Variants in SPDYE21 observed in about 807,000 individuals in gnomAD.
SPDYE21 encodes speedy protein E21.
In SPDYE21, 14 loss-of-function variants were observed where a neutral mutation model predicts 36.2. That is an observed-to-expected ratio of 0.39 (90% confidence interval 0.26 to 0.61). SPDYE21 has a LOEUF of 0.61. Ranked by LOEUF, SPDYE21 falls within the 20% of genes least tolerant of loss-of-function variation. SPDYE21 has a pLI of 0.55. For missense variants in SPDYE21, 233 were observed against 424.6 expected (o/e 0.55, Z 3.97); for synonymous variants, 58 against 155.1 (o/e 0.37, Z 4.65).
At chr7:67,286,949 A>G (rs576129731) in intron 8 of SPDYE21, among the ~76,000 whole-genome samples, 351 of 152,274 alleles carry the variant, frequency 2.3e-3, no homozygotes, top group Non-Finnish European at 2.6e-3. Context: ...TGCCTCAAAA[A>G]TAATCATAAA....
Position 67,279,657 on chromosome 7 carries a change from C to T in SPDYE21, c.161-161C>T, listed in dbSNP as rs557920942. Reference sequence around the variant, plus strand: ...AGAGAAGAATGGGGAGGGGAAGGAGCGGCACATGGGGTTGAGCAGAGGAGA... The same window carrying T: ...AGAGAAGAATGGGGAGGGGAAGGAGTGGCACATGGGGTTGAGCAGAGGAGA... On this transcript the variant is annotated intron_variant, in intron 2 of 8. Transcript: ENST00000424157. The T allele has an allele frequency of 1.0e-4, 160 of 1,530,452 alleles. 1 individual carries two copies. The South Asian group carries it at 1.7e-3, about 16-fold the overall frequency. The allele number at this position is 1,530,452 out of a possible 1,614,324, so 94.8% of individuals were successfully genotyped here. A position where few individuals can be genotyped will look rare whatever the true frequency, so the allele number is the denominator to read the frequency against.
At chr7:67,287,316 G>C (rs1167003161) in intron 8 of SPDYE21, among the ~76,000 whole-genome samples, 2 of 152,222 alleles carry the variant, frequency 1.3e-5, no homozygotes, top group East Asian at 3.9e-4. Flanking sequence ...GGTGTATTAA[G>C]TGAGTTTTGG....
At chr7:67,282,546 C>G in intron 4 of SPDYE21, 89 bp from the exon 5 acceptor site, 3 of 1,575,654 alleles carry the variant, frequency 1.9e-6, no homozygotes, top group Non-Finnish European at 2.6e-6. Flanking sequence ...CCTGAGACTT[C>G]CCCCCGGGAG....
chr7:67,285,582 G>T (rs1165138824), intron 6 of SPDYE21, among the ~76,000 whole-genome samples: 2 of 151,632 alleles, frequency 1.3e-5, no homozygotes, highest in Non-Finnish European at 2.9e-5. Flanking sequence ...TAGAGATGGG[G>T]TTTCTCCGTG....
chr7:67,283,732 G>T (rs2116510757), intron 5 of SPDYE21, among the ~76,000 whole-genome samples, 181 bp from the exon 6 acceptor site: 1 of 151,022 alleles, frequency 6.6e-6, no homozygotes, highest in African/African-American at 2.4e-5. Flanking sequence ...TGGCTTCTCG[G>T]ATTTGCATCC....
At position 67,287,587 on chromosome 7, in the gene SPDYE21, G is replaced by C. The variant is rs1272313997; in HGVS notation, c.*115G>C. 6.6e-6 allele frequency among the ~76,000 whole-genome samples: 1 copy of C among 150,870 alleles called. No homozygotes were observed. Reference sequence around the variant, plus strand: ...TTCCAATGCTAATGGCAGACACCAGGAAGGAGAAGAGGAACCATTTGTGCA... The same window carrying C: ...TTCCAATGCTAATGGCAGACACCAGCAAGGAGAAGAGGAACCATTTGTGCA... On this transcript the variant is annotated 3_prime_UTR_variant, in exon 9 of 9. Coordinates refer to ENST00000424157, the MANE Select transcript of SPDYE21 (RefSeq NM_001382715.2).
At chr7:67,282,008 A>C (rs376838183) in intron 4 of SPDYE21, among the ~76,000 whole-genome samples, 1 of 151,938 alleles carries the variant, frequency 6.6e-6, no homozygotes. Flanking sequence ...TAGCTCATGC[A>C]TGTAATCCCA....
intron 2 of SPDYE21, among the ~76,000 whole-genome samples, chr7:67,279,525 G>T (rs1287871680): frequency 6.6e-6 from 1 of 152,008 alleles, no homozygotes; most frequent in Non-Finnish European, 1.5e-5. Context: ...CTACACTCCA[G>T]CCTGGGTGAC....
rs1802767993 is a variant in SPDYE21, at chr7:67,287,853, G to A, written c.*381G>A. 6.6e-6 allele frequency among the ~76,000 whole-genome samples: 1 copy of A among 152,082 alleles called. No individual in the cohort carries two copies. The highest frequency in any genetic ancestry group is 1.5e-5 in the Non-Finnish European group (1 of 68,036). ...GGTGCTGTTTCTTACGGACTTGGTT[G>A]CCACAGTCCAGGAGCATTTGAAGGC... On this transcript the variant is annotated 3_prime_UTR_variant, in exon 9 of 9. Transcript: ENST00000424157.
chr7:67,285,381 AGTTTGTTT>A (rs370179177), intron 6 of SPDYE21, among the ~76,000 whole-genome samples: 2,647 of 146,970 alleles, frequency 0.018, 63 homozygotes, highest in African/African-American at 0.063. Context: ...ACACCTGGAC[AGTTTGTTT>A]GTTTGTTTGT....
intron 3 of SPDYE21, among the ~76,000 whole-genome samples, chr7:67,281,079 C>CACAACA (rs1357111652): frequency 1.0e-5 from 1 of 99,794 alleles, no homozygotes; most frequent in African/African-American, 3.6e-5. Flanking sequence ...AAGACTGTTT[C>CACAACA]GCAACAACAA....
In SPDYE21 at chr7:67,287,903, C is replaced by G. The variant is rs1802769091; in HGVS notation, c.*431C>G. 6.6e-6 allele frequency among the ~76,000 whole-genome samples: 1 copy of G among 151,840 alleles called. No homozygotes were observed. The highest frequency in any genetic ancestry group is 2.1e-4 in the South Asian group (1 of 4,812). On this transcript the variant is annotated 3_prime_UTR_variant, in exon 9 of 9. Transcript: ENST00000424157. ...CACAATGCAGGGGCTCAGATTGGCA[C>G]AGAATTCTTTTGTGAAATATCAGTG...
At chr7:67,279,715 T>A (rs1802598792) in intron 2 of SPDYE21, 103 bp from the exon 3 acceptor site, 1 of 1,592,970 alleles carries the variant, frequency 6.3e-7, no homozygotes, top group South Asian at 1.1e-5. Context: ...AAGCCAGCAG[T>A]CTGCGAGGCT....
rs1271430898 is a variant in SPDYE21, at chr7:67,289,002, G to A, written c.*1530G>A. Among the ~76,000 whole-genome samples, 3 of 132,548 alleles carry A rather than the reference G, an allele frequency of 2.3e-5. No individual in the cohort carries two copies. The highest frequency in any genetic ancestry group is 8.8e-5 in the African/African-American group (3 of 34,164). The allele number at this position is 132,548 out of a possible 152,430, so 87.0% of individuals were successfully genotyped here. ...AACTTTTCTCACCTTCACAGCAATTGTGATCATATTGGTCTGGACTGATTA... is the reference window on the plus strand; with the variant it reads ...AACTTTTCTCACCTTCACAGCAATTATGATCATATTGGTCTGGACTGATTA... On this transcript the variant is annotated 3_prime_UTR_variant, in exon 9 of 9. Transcript: ENST00000424157.
chr7:67,285,592 G>A (rs1802715326), intron 6 of SPDYE21, among the ~76,000 whole-genome samples: 1 of 151,906 alleles, frequency 6.6e-6, no homozygotes. Context: ...GTTTCTCCGT[G>A]TTGACCAGGC....
At chr7:67,279,481 G>A (rs1347874040) in intron 2 of SPDYE21, among the ~76,000 whole-genome samples, 1 of 151,514 alleles carries the variant, frequency 6.6e-6, no homozygotes, top group Non-Finnish European at 1.5e-5. Flanking sequence ...TGGAATCCAG[G>A]AGATGGATGT....
At chr7:67,285,914 T>C (rs1443380799) in intron 6 of SPDYE21, 130 bp from the exon 7 acceptor site, 3 of 1,528,892 alleles carry the variant, frequency 2.0e-6, no homozygotes, top group Non-Finnish European at 2.7e-6. Context: ...GAGGAAGGCG[T>C]GGCTCTCTGC....
chr7:67,279,033 G>A (rs1364748922), intron 2 of SPDYE21, among the ~76,000 whole-genome samples, 160 bp downstream of exon 2: 1 of 151,760 alleles, frequency 6.6e-6, no homozygotes, highest in Non-Finnish European at 1.5e-5. Flanking sequence ...CCAATATGGT[G>A]AAACCCCATC....
chr7:67,279,275 T>A (rs1802592785), intron 2 of SPDYE21, among the ~76,000 whole-genome samples: 1 of 145,550 alleles, frequency 6.9e-6, no homozygotes, highest in South Asian at 2.3e-4. Flanking sequence ...AAATTCAGGC[T>A]GGGTGCAGTG....
Sources: gnomAD v4.1 joint callset for allele counts (sites outside exome capture counted in the v4.1 genomes callset) on GRCh38, gnomAD v4.1.1 for gene constraint, MANE v1.5 for transcripts, NCBI Gene and HGNC (gene_info 2026-07-23, HGNC 2026-07-21) for gene names.